MSL2: variants seen among roughly 807,000 people sequenced by gnomAD.
The protein encoded by MSL2 is E3 ubiquitin-protein ligase MSL2.
A neutral mutation model predicts 35.8 loss-of-function variants in MSL2; 2 were observed. That is an observed-to-expected ratio of 0.06 (90% CI 0.02 to 0.18). The LOEUF (loss-of-function observed/expected upper bound fraction) is 0.18, where lower values mean the gene tolerates loss of function less well. MSL2 is among the 10% of genes least tolerant of loss of function. MSL2 has a pLI of 1.00. For synonymous variants in MSL2, 296 were observed against 255.7 expected (o/e 1.16, Z -1.50); for missense variants, 523 against 706.7 (o/e 0.74, Z 2.95).
intron 1 of MSL2, among the ~76,000 whole-genome samples, chr3:136,190,542 CAA>C (rs10684427): frequency 2.6e-4 from 31 of 119,936 alleles, no homozygotes; most frequent in Non-Finnish European, 2.8e-4. Context: ...AAGATTGTCT[CAA>C]AAAAAAAAAA....
At chr3:136,159,242 C>T (rs1373786626) in intron 1 of MSL2, among the ~76,000 whole-genome samples, 3 of 150,936 alleles carry the variant, frequency 2.0e-5, no homozygotes, top group African/African-American at 7.3e-5. Context: ...AGTATAGACA[C>T]ATGCATCAGT....
At chr3:136,170,344 A>C (rs1213477263) in intron 1 of MSL2, among the ~76,000 whole-genome samples, 1 of 113,308 alleles carries the variant, frequency 8.8e-6, no homozygotes, top group Non-Finnish European at 1.8e-5. Context: ...CAAGAGCAAA[A>C]ATCCCTCTCA....
intron 1 of MSL2, among the ~76,000 whole-genome samples, chr3:136,188,439 G>GAA (rs35989218): frequency 1.3e-4 from 13 of 101,340 alleles, no homozygotes; most frequent in East Asian, 3.1e-4. Flanking sequence ...TCTGGAAGAA[G>GAA]AAAAAAAAAA....
intron 1 of MSL2, among the ~76,000 whole-genome samples, chr3:136,171,137 A>G (rs1356501652): frequency 6.6e-6 from 1 of 152,216 alleles, no homozygotes; most frequent in East Asian, 1.9e-4. Context: ...GAGACATGTT[A>G]AATCTTTAAA....
At chr3:136,163,065 CTGG>C (rs1288144606) in intron 1 of MSL2, among the ~76,000 whole-genome samples, 1 of 151,518 alleles carries the variant, frequency 6.6e-6, no homozygotes, top group African/African-American at 2.4e-5. Flanking sequence ...CAAGACTAGC[CTGG>C]TGAACATGGT....
chr3:136,170,352 T>C (rs867165585), intron 1 of MSL2, among the ~76,000 whole-genome samples: 3 of 66,202 alleles, frequency 4.5e-5, no homozygotes, highest in African/African-American at 2.0e-4. Flanking sequence ...AAAATCCCTC[T>C]CAAAAAAAAA....
chr3:136,160,884 C>G (rs530053876), intron 1 of MSL2, among the ~76,000 whole-genome samples: 1 of 151,904 alleles, frequency 6.6e-6, no homozygotes, highest in African/African-American at 2.4e-5. Flanking sequence ...GTCAGGAGAT[C>G]GAGACGATCC....
chr3:136,192,533 C>T (rs1033626371), intron 1 of MSL2, among the ~76,000 whole-genome samples: 3 of 150,894 alleles, frequency 2.0e-5, no homozygotes, highest in African/African-American at 4.9e-5. Context: ...TGAGTTAGGC[C>T]TTTAGAAAAA....
chr3:136,160,345 G>A lies in MSL2; in HGVS notation c.143-7607C>T, dbSNP rs1019533677. Reference sequence around the variant, plus strand: ...AGGGAAGGAGGGAAGGAAGGAGGGAGGGAGGGAGGGAGGGAGGGAGGGAGG... The same window carrying A: ...AGGGAAGGAGGGAAGGAAGGAGGGAAGGAGGGAGGGAGGGAGGGAGGGAGG... On this transcript the variant is annotated intron_variant, in intron 1 of 1. Coordinates refer to ENST00000309993, the MANE Select transcript of MSL2 (RefSeq NM_018133.4). 1.9e-4 allele frequency among the ~76,000 whole-genome samples: 6 copies of A among 31,740 alleles called. 1 individual carries two copies. Among genetic ancestry groups the A allele is most frequent in the East Asian group, 0.017 (2 of 116 alleles). 20.8% of individuals were successfully genotyped at this position (31,740 alleles called of 152,430 possible).
chr3:136,177,992 A>G (rs1429916250), intron 1 of MSL2, among the ~76,000 whole-genome samples: 1 of 152,190 alleles, frequency 6.6e-6, no homozygotes. Context: ...AGTACTTTAT[A>G]CATGCACTTT....
chr3:136,180,787 AGGG>A (rs757571703), intron 1 of MSL2, among the ~76,000 whole-genome samples: 10,386 of 60,996 alleles, frequency 0.17, 1,217 homozygotes, highest in South Asian at 0.26. Context: ...GGAGGGAGGG[AGGG>A]AGGGAGGGAG....
chr3:136,167,618 G>A (rs1939886626), intron 1 of MSL2, among the ~76,000 whole-genome samples: 1 of 152,064 alleles, frequency 6.6e-6, no homozygotes, highest in African/African-American at 2.4e-5. Context: ...AATTAATGAA[G>A]ACTCACATGA....
At chr3:136,153,015 C>T (rs953349065) in intron 1 of MSL2, 1 of 985,336 alleles carries the variant, frequency 1.0e-6, no homozygotes, top group African/African-American at 1.7e-5. Flanking sequence ...TTCTTATCCT[C>T]TTCCTCCAAA....
intron 1 of MSL2, among the ~76,000 whole-genome samples, chr3:136,191,592 C>A (rs1001805777): frequency 6.6e-6 from 1 of 152,206 alleles, no homozygotes; most frequent in African/African-American, 2.4e-5. Flanking sequence ...CCTGCCTGGG[C>A]AACACGGTAA....
chr3:136,156,005 A>G, intron 1 of MSL2: 2 of 350,428 alleles, frequency 5.7e-6, no homozygotes, highest in South Asian at 4.9e-5. Context: ...GGTCTCTAAC[A>G]TTTCCTTATA....
chr3:136,192,917 T>C (rs1280338963), intron 1 of MSL2, among the ~76,000 whole-genome samples: 1 of 152,298 alleles, frequency 6.6e-6, no homozygotes, highest in East Asian at 1.9e-4. Flanking sequence ...ATTTTTTTTC[T>C]ATGTCTTTAT....
At chr3:136,194,424 C>G (rs1489599174) in intron 1 of MSL2, 3 of 985,286 alleles carry the variant, frequency 3.0e-6, no homozygotes, top group Non-Finnish European at 3.6e-6. Flanking sequence ...GTACCAACAG[C>G]CTTCCCCGGC....
chr3:136,172,845 G>A (rs1940065817), intron 1 of MSL2, among the ~76,000 whole-genome samples: 1 of 152,054 alleles, frequency 6.6e-6, no homozygotes, highest in South Asian at 2.1e-4. Context: ...TTTTGAAACA[G>A]ACATGACACC....
At chr3:136,175,702 C>G (rs1285887955) in intron 1 of MSL2, among the ~76,000 whole-genome samples, 1 of 152,042 alleles carries the variant, frequency 6.6e-6, no homozygotes, top group African/African-American at 2.4e-5. Context: ...ACAACAACAA[C>G]AAGTCTGAGA....
Sources: gnomAD v4.1 joint callset for allele counts (sites outside exome capture counted in the v4.1 genomes callset) on GRCh38, gnomAD v4.1.1 for gene constraint, MANE v1.5 for transcripts, NCBI Gene and HGNC (gene_info 2026-07-23, HGNC 2026-07-21) for gene names.